IGFBP7: variants seen among roughly 807,000 people sequenced by gnomAD.
IGFBP7 encodes the protein insulin-like growth factor-binding protein 7.
IGFBP7 carries 31 observed loss-of-function variants against 29.4 expected under a neutral mutation model. The observed-to-expected ratio is 1.05, with a 90% CI of 0.79 to 1.42. The LOEUF (loss-of-function observed/expected upper bound fraction) is 1.42, where lower values mean the gene tolerates loss of function less well. Among genes scored for constraint, IGFBP7 ranks in the 40% most tolerant of loss-of-function variants. The pLI is 0.00. For synonymous variants in IGFBP7, 172 were observed against 174.9 expected (o/e 0.98, Z 0.13); for missense variants, 393 against 395.5 (o/e 0.99, Z 0.05).
chr4:57,031,261 T>TA lies in IGFBP7; in HGVS notation c.*55dup. On this transcript the variant is annotated 3_prime_UTR_variant, in exon 5 of 5. Coordinates refer to ENST00000295666, the MANE Select transcript of IGFBP7 (RefSeq NM_001553.3). ...AAGAAACTTATTAGGCAAGAACAGG[T>TA]AATGTAGTTATCCATGACTACTTTT... is the stretch of plus-strand genomic sequence containing the variant. 1 of 1,392,048 alleles carries TA rather than the reference T, an allele frequency of 7.2e-7. No individual in the cohort carries two copies. The highest frequency in any genetic ancestry group is 1.2e-5 in the South Asian group (1 of 85,950). 86.2% of individuals were successfully genotyped at this position (1,392,048 alleles called of 1,614,324 possible). A position where few individuals can be genotyped will look rare whatever the true frequency, so the allele number is the denominator to read the frequency against.
Position 57,109,929 on chromosome 4 carries a change from C to T in IGFBP7, c.423G>A (p.Glu141=), listed in dbSNP as rs976660228. ...CQLRAASQRA[E]SRGEKAITQV... ...GGGTGATGGCCTTCTCCCCGCGGCT[C>T]TCGGCCCTCTGGCTGGCGGCGCGCA... Residue 141 remains glutamate, a synonymous_variant, in exon 1 of 5, where the codon GAG becomes GAA. Transcript: ENST00000295666. 5 of 1,557,852 alleles carry T rather than the reference C, an allele frequency of 3.2e-6. No individual in the cohort carries two copies. In the African/African-American group the frequency reaches 5.4e-5, roughly 17 times the overall value.
intron 2 of IGFBP7, among the ~76,000 whole-genome samples, chr4:57,040,048 C>T (rs569687886): frequency 4.6e-5 from 7 of 152,094 alleles, no homozygotes; most frequent in Non-Finnish European, 1.0e-4. Flanking sequence ...AGAAAGGAGA[C>T]ATTTTTTTCT....
intron 1 of IGFBP7, among the ~76,000 whole-genome samples, chr4:57,061,268 C>A (rs1395797929): frequency 6.6e-6 from 1 of 152,008 alleles, no homozygotes; most frequent in Non-Finnish European, 1.5e-5. Context: ...TAGTACCGAA[C>A]TTTATACAGT....
intron 1 of IGFBP7, among the ~76,000 whole-genome samples, chr4:57,064,077 A>T (rs188503274): frequency 1.3e-5 from 2 of 152,206 alleles, no homozygotes; most frequent in African/African-American, 2.4e-5. Context: ...GATGGCTATC[A>T]CCTGTAATCC....
chr4:57,097,948 G>T (rs111904359), intron 1 of IGFBP7, among the ~76,000 whole-genome samples: 2,781 of 152,284 alleles, frequency 0.018, 82 homozygotes, highest in African/African-American at 0.064. Context: ...TCACAACCAT[G>T]GGGTTACAGC....
chr4:57,043,359 C>T (rs1466963687), intron 1 of IGFBP7, among the ~76,000 whole-genome samples: 3 of 152,166 alleles, frequency 2.0e-5, no homozygotes, highest in Non-Finnish European at 2.9e-5. Context: ...GGTCTCCTAT[C>T]CTAGCAAAGT....
intron 1 of IGFBP7, among the ~76,000 whole-genome samples, chr4:57,058,432 G>A (rs1354843988): frequency 4.6e-5 from 7 of 152,144 alleles, no homozygotes; most frequent in Admixed American, 4.6e-4. Context: ...AGAGAGCCCA[G>A]AAATAAGCCT....
intron 1 of IGFBP7, among the ~76,000 whole-genome samples, chr4:57,064,459 G>A (rs1450450076): frequency 1.3e-5 from 2 of 152,200 alleles, no homozygotes; most frequent in Admixed American, 1.3e-4. Context: ...ATAAGCCTCA[G>A]TTATACAAAG....
intron 1 of IGFBP7, among the ~76,000 whole-genome samples, chr4:57,077,231 G>T (rs375413278): frequency 6.6e-6 from 1 of 152,128 alleles, no homozygotes; most frequent in Non-Finnish European, 1.5e-5. Context: ...ACCACAGAAC[G>T]CATCCAAACA....
chr4:57,079,958 G>A (rs1046657788), intron 1 of IGFBP7, among the ~76,000 whole-genome samples: 1 of 152,132 alleles, frequency 6.6e-6, no homozygotes, highest in African/African-American at 2.4e-5. Flanking sequence ...TGAGGAATTG[G>A]AGGCTTTGAG....
chr4:57,041,652 C>A (rs1724229241), intron 1 of IGFBP7, among the ~76,000 whole-genome samples: 2 of 152,150 alleles, frequency 1.3e-5, no homozygotes, highest in South Asian at 4.1e-4. Context: ...CCTCCCACCC[C>A]AGCCTCCCGA....
At chr4:57,058,386 T>C (rs1724722532) in intron 1 of IGFBP7, among the ~76,000 whole-genome samples, 1 of 152,158 alleles carries the variant, frequency 6.6e-6, no homozygotes, top group Admixed American at 6.5e-5. Flanking sequence ...AACAGCATGG[T>C]ACTGGTACAA....
intron 1 of IGFBP7, among the ~76,000 whole-genome samples, chr4:57,047,079 A>T (rs773550876): frequency 1.3e-5 from 2 of 152,112 alleles, no homozygotes; most frequent in Non-Finnish European, 2.9e-5. Flanking sequence ...GGGAGAGAGG[A>T]TGATATGGTT....
chr4:57,033,563 A>G (rs749721692), intron 2 of IGFBP7, among the ~76,000 whole-genome samples: 13 of 152,254 alleles, frequency 8.5e-5, no homozygotes, highest in Non-Finnish European at 7.3e-5. Flanking sequence ...GGGAATATAC[A>G]TGGTCATAAT....
intron 1 of IGFBP7, among the ~76,000 whole-genome samples, chr4:57,109,549 CAG>C (rs1300431305): frequency 6.6e-6 from 1 of 152,190 alleles, no homozygotes; most frequent in Non-Finnish European, 1.5e-5. Context: ...GAGAAATGGA[CAG>C]ATGTTAGCAC....
chr4:57,096,523 G>T (rs1213214428), intron 1 of IGFBP7, among the ~76,000 whole-genome samples: 1 of 152,026 alleles, frequency 6.6e-6, no homozygotes, highest in South Asian at 2.1e-4. Context: ...TGGAACTCAG[G>T]CATCAGCATT....
chr4:57,038,487 T>G (rs1724137578), intron 2 of IGFBP7, among the ~76,000 whole-genome samples: 1 of 152,098 alleles, frequency 6.6e-6, no homozygotes, highest in Non-Finnish European at 1.5e-5. Context: ...TGGTTTCAAA[T>G]GGGCTGGTAG....
chr4:57,036,794 G>A (rs17087411), intron 2 of IGFBP7, among the ~76,000 whole-genome samples: 10,124 of 152,244 alleles, frequency 0.066, 557 homozygotes, highest in East Asian at 0.21. Flanking sequence ...GAGCAAGAAG[G>A]ACATGCTGTC....
At chr4:57,072,506 C>T (rs1244705041) in intron 1 of IGFBP7, among the ~76,000 whole-genome samples, 7 of 152,120 alleles carry the variant, frequency 4.6e-5, no homozygotes, top group African/African-American at 1.7e-4. Context: ...GCACTCCAGC[C>T]TGGGTTACAG....
Sources: allele counts gnomAD v4.1 joint callset (sites outside exome capture counted in the v4.1 genomes callset), GRCh38; gene constraint gnomAD v4.1.1; transcripts MANE v1.5; gene names NCBI Gene and HGNC (gene_info 2026-07-23, HGNC 2026-07-21).